The following CDH12 variants were observed in gnomAD, a reference collection of about 807,000 sequenced individuals.
The protein encoded by CDH12 is cadherin-12.
In CDH12, 41 loss-of-function variants were observed where a neutral mutation model predicts 74.1. The observed-to-expected ratio is 0.55, with a 90% CI of 0.43 to 0.72. The LOEUF (loss-of-function observed/expected upper bound fraction) is 0.72. Ranked by LOEUF, CDH12 falls within the 30% of genes least tolerant of loss-of-function variation. The pLI is 0.00. For synonymous variants in CDH12, 399 were observed against 355.0 expected (o/e 1.12, Z -1.39); for missense variants, 945 against 977.2 (o/e 0.97, Z 0.44).
chr5:22,541,599 A>G (rs1485255354), intron 1 of CDH12, among the ~76,000 whole-genome samples: 2 of 152,184 alleles, frequency 1.3e-5, no homozygotes, highest in East Asian at 3.9e-4. Context: ...AAAAATAATG[A>G]TGACTTTAAT....
At chr5:22,165,511 C>T (rs78332938) in intron 4 of CDH12, among the ~76,000 whole-genome samples, 359 of 7,520 alleles carry the variant, frequency 0.048, 3 homozygotes, top group Admixed American at 0.18. Flanking sequence ...TACACACACA[C>T]ATACACACAC....
intron 5 of CDH12, among the ~76,000 whole-genome samples, chr5:21,994,153 C>T (rs188634155): frequency 6.6e-6 from 1 of 151,418 alleles, no homozygotes; most frequent in East Asian, 1.9e-4. Context: ...TTAGGTCTGG[C>T]CAATAATCAT....
chr5:22,586,490 A>AAT lies in CDH12; in HGVS notation c.-522-81128_-522-81127dup, dbSNP rs71609772. Among the ~76,000 whole-genome samples the AAT allele has an allele frequency of 9.4e-3, 1,172 of 124,994 alleles. 11 individuals are homozygous for AAT. The highest frequency in any genetic ancestry group is 0.033 in the South Asian group (139 of 4,196). The allele number at this position is 124,994 out of a possible 152,430, so 82.0% of individuals were successfully genotyped here. ...TACCCTAGAACTTAAAGTATAATAAAATATATATATATATAAATAAAAATA... is the reference window on the plus strand; with the variant it reads ...TACCCTAGAACTTAAAGTATAATAAAATATATATATATATATAAATAAAAATA... On this transcript the variant is annotated intron_variant, in intron 1 of 14. Transcript: ENST00000382254.
chr5:22,283,225 TATATATA>T (rs1388182942), intron 3 of CDH12, among the ~76,000 whole-genome samples: 8 of 47,472 alleles, frequency 1.7e-4, no homozygotes, highest in African/African-American at 2.1e-4. Flanking sequence ...TAGATATATA[TATATATA>T]TATATATATA....
At chr5:21,814,512 A>T (rs2149941963) in intron 9 of CDH12, among the ~76,000 whole-genome samples, 1 of 151,800 alleles carries the variant, frequency 6.6e-6, no homozygotes, top group Non-Finnish European at 1.5e-5. Context: ...AAAATAAATA[A>T]GAATGACATA....
At chr5:22,681,101 C>A (rs1360614523) in intron 1 of CDH12, among the ~76,000 whole-genome samples, 2 of 151,804 alleles carry the variant, frequency 1.3e-5, no homozygotes, top group Non-Finnish European at 1.5e-5. Flanking sequence ...ATGGTTAAAA[C>A]CCTTGAATTA....
chr5:22,630,517 G>A (rs565824188), intron 1 of CDH12, among the ~76,000 whole-genome samples: 3 of 151,962 alleles, frequency 2.0e-5, no homozygotes, highest in African/African-American at 4.8e-5. Flanking sequence ...GATCTTCAAC[G>A]GTTGGCCAAA....
At chr5:22,017,427 A>C (rs150642488) in intron 5 of CDH12, among the ~76,000 whole-genome samples, 328 of 152,240 alleles carry the variant, frequency 2.2e-3, no homozygotes, top group Non-Finnish European at 3.5e-3. Context: ...TCACCCTATG[A>C]AAACTTCAAT....
rs138943571 is a variant in CDH12, at chr5:22,141,977, T to C, written c.-186-63115A>G. On this transcript the variant is annotated intron_variant, in intron 4 of 14. Transcript: ENST00000382254. ...TAACTTGCCCAGAGTTGTACGGCCA[T>C]AGGGTGGTTTGGTTCCAGAATCTAT... Among the ~76,000 whole-genome samples, 1,075 of 152,154 alleles carry C rather than the reference T, an allele frequency of 7.1e-3. 11 individuals are homozygous for C. Among genetic ancestry groups the C allele is most frequent in the African/African-American group, 0.024 (1,004 of 41,510 alleles).
At chr5:21,874,187 C>A (rs1751804555) in intron 6 of CDH12, among the ~76,000 whole-genome samples, 1 of 152,108 alleles carries the variant, frequency 6.6e-6, no homozygotes, top group Non-Finnish European at 1.5e-5. Flanking sequence ...AAACAAACAA[C>A]CCCATTAAAA....
chr5:22,768,989 T>C (rs1485034638), intron 1 of CDH12, among the ~76,000 whole-genome samples: 1 of 152,178 alleles, frequency 6.6e-6, no homozygotes, highest in East Asian at 1.9e-4. Flanking sequence ...CTTAGGTTGT[T>C]CTGACATTAG....
intron 9 of CDH12, among the ~76,000 whole-genome samples, chr5:21,802,644 C>G (rs910515606): frequency 3.8e-5 from 5 of 131,024 alleles, no homozygotes; most frequent in African/African-American, 1.4e-4. Flanking sequence ...CAGGCTGGAG[C>G]TCAGTGGTGT....
intron 4 of CDH12, among the ~76,000 whole-genome samples, chr5:22,206,828 A>T (rs2150359069): frequency 6.6e-6 from 1 of 151,556 alleles, no homozygotes; most frequent in Non-Finnish European, 1.5e-5. Context: ...TACCATAGAA[A>T]AATATGGATG....
chr5:22,086,060 C>T (rs1377498957), intron 4 of CDH12, among the ~76,000 whole-genome samples: 2 of 152,114 alleles, frequency 1.3e-5, no homozygotes, highest in Non-Finnish European at 2.9e-5. Flanking sequence ...AAACCTATCC[C>T]AAAATGACAT....
intron 2 of CDH12, among the ~76,000 whole-genome samples, chr5:22,468,769 T>C (rs1164336966): frequency 1.3e-5 from 2 of 152,180 alleles, no homozygotes; most frequent in African/African-American, 4.8e-5. Context: ...TCATATGGAC[T>C]CAACTATATA....
chr5:21,861,389 A>G (rs1463683831), intron 6 of CDH12, among the ~76,000 whole-genome samples: 1 of 152,058 alleles, frequency 6.6e-6, no homozygotes, highest in Non-Finnish European at 1.5e-5. Flanking sequence ...GCATTAATTT[A>G]AAATTACATG....
intron 1 of CDH12, among the ~76,000 whole-genome samples, chr5:22,560,838 T>C (rs1489094371): frequency 2.0e-5 from 3 of 152,150 alleles, no homozygotes; most frequent in African/African-American, 7.2e-5. Flanking sequence ...AGAAAATTGC[T>C]TTCTTTAGTT....
intron 1 of CDH12, among the ~76,000 whole-genome samples, chr5:22,710,985 A>G (rs1220664273): frequency 3.9e-5 from 6 of 152,156 alleles, no homozygotes; most frequent in Non-Finnish European, 8.8e-5. Flanking sequence ...TCAAGTAGGA[A>G]TGTCTTGTGC....
At chr5:21,755,148 C>T (rs578148772) in intron 14 of CDH12, among the ~76,000 whole-genome samples, 1 of 152,082 alleles carries the variant, frequency 6.6e-6, no homozygotes, top group Admixed American at 6.5e-5. Flanking sequence ...CTTTATTGAA[C>T]TGGAATTTGA....
Sources: allele counts gnomAD v4.1 joint callset (sites outside exome capture counted in the v4.1 genomes callset), GRCh38; gene constraint gnomAD v4.1.1; transcripts MANE v1.5; gene names NCBI Gene and HGNC (gene_info 2026-07-23, HGNC 2026-07-21).